RBM47: variants seen among roughly 807,000 people sequenced by gnomAD.
RBM47 encodes RNA-binding protein 47.
In RBM47, 21 loss-of-function variants were observed where a neutral mutation model predicts 47.1. The ratio of observed to expected loss-of-function variants is 0.45; its 90% CI spans 0.32 to 0.64. RBM47 has a LOEUF of 0.64. Among genes scored for constraint, RBM47 ranks in the 30% least tolerant of loss-of-function variants. The probability of loss-of-function intolerance (pLI) is 0.05; values close to 1 mark genes in which losing one functional copy is unlikely to be tolerated. For missense variants in RBM47, 708 were observed against 870.9 expected, an observed-to-expected ratio of 0.81 and a Z score of 2.35; for synonymous variants, 375 against 361.7, an observed-to-expected ratio of 1.04 and a Z score of -0.42.
intron 2 of RBM47, among the ~76,000 whole-genome samples, chr4:40,523,508 G>T (rs1454405655): frequency 1.3e-5 from 2 of 152,034 alleles, no homozygotes; most frequent in East Asian, 3.9e-4. Context: ...AAAATTAGCT[G>T]GGCATGGTGG....
intron 3 of RBM47, among the ~76,000 whole-genome samples, chr4:40,451,342 T>C (rs528342204): frequency 7.5e-4 from 114 of 152,278 alleles, no homozygotes; most frequent in Non-Finnish European, 1.3e-3. Context: ...ACAGCTACCA[T>C]AAAGGCTTGT....
rs921286315 is a variant in RBM47 at position 40,441,127 on chromosome 4, A to T, written c.-31-2203T>A. Among the ~76,000 whole-genome samples, 11 of 150,974 alleles carry T rather than the reference A, an allele frequency of 7.3e-5. No homozygotes were observed. In the South Asian group the frequency reaches 2.1e-3, roughly 29 times the overall value. ...AAAAACATTTTTTTTTCTTTTTTTA[A>T]AAATAGAGATGGAGGGCCAGGCAGA... On this transcript the variant is annotated intron_variant, in intron 3 of 6. Transcript: ENST00000295971.
chr4:40,455,395 C>T (rs1716079774), intron 3 of RBM47: 1 of 152,216 alleles, frequency 6.6e-6, no homozygotes, highest in Non-Finnish European at 1.5e-5. Flanking sequence ...AAGTCACTTT[C>T]TCTCCTTGAG....
At chr4:40,603,750 C>T (rs1274881427) in intron 1 of RBM47, among the ~76,000 whole-genome samples, 3 of 152,138 alleles carry the variant, frequency 2.0e-5, no homozygotes, top group Admixed American at 6.5e-5. Flanking sequence ...GACAGGAGCA[C>T]ACCACCACAC....
intron 1 of RBM47, among the ~76,000 whole-genome samples, chr4:40,618,453 C>T (rs913862605): frequency 4.0e-5 from 6 of 151,744 alleles, no homozygotes; most frequent in African/African-American, 7.3e-5. Context: ...AATACTTTTC[C>T]GAAAAATGAA....
chr4:40,497,001 A>G (rs1283215863), intron 2 of RBM47, among the ~76,000 whole-genome samples: 1 of 147,308 alleles, frequency 6.8e-6, no homozygotes, highest in Non-Finnish European at 1.5e-5. Flanking sequence ...AGATCACGCC[A>G]CTGCACTCTA....
chr4:40,585,810 T>G (rs1389968785), intron 1 of RBM47, among the ~76,000 whole-genome samples: 1 of 152,250 alleles, frequency 6.6e-6, no homozygotes, highest in African/African-American at 2.4e-5. Context: ...TCACTGCTGA[T>G]GCCCAGCAGC....
chr4:40,519,147 G>A (rs1017279968), intron 2 of RBM47, among the ~76,000 whole-genome samples: 1 of 152,022 alleles, frequency 6.6e-6, no homozygotes, highest in Non-Finnish European at 1.5e-5. Context: ...TGTAGTTGAG[G>A]CTACAGTGAG....
At chr4:40,611,675 C>A (rs1736274561) in intron 1 of RBM47, among the ~76,000 whole-genome samples, 1 of 152,072 alleles carries the variant, frequency 6.6e-6, no homozygotes, top group South Asian at 2.1e-4. Flanking sequence ...TTGCGGTGAG[C>A]CGAGATCGCA....
intron 3 of RBM47, among the ~76,000 whole-genome samples, chr4:40,456,287 T>A (rs1283659263): frequency 2.0e-5 from 3 of 152,202 alleles, no homozygotes; most frequent in Non-Finnish European, 4.4e-5. Context: ...AACCCGGGCA[T>A]AATATTCTTA....
intron 2 of RBM47, among the ~76,000 whole-genome samples, chr4:40,508,604 T>C (rs1724446120): frequency 6.6e-6 from 1 of 152,082 alleles, no homozygotes; most frequent in Non-Finnish European, 1.5e-5. Flanking sequence ...TACAAAAGAG[T>C]ACATACTGTC....
Position 40,497,161 on chromosome 4 carries a change from C to T in RBM47, c.-154-30462G>A, listed in dbSNP as rs76101250. 1.6e-3 allele frequency among the ~76,000 whole-genome samples: 245 copies of T among 152,240 alleles called. 2 individuals are homozygous for T. In the East Asian group the frequency reaches 0.042, roughly 26 times the overall value. ...CAGCAAGATCTGAATCCCAGCTGGCCTTAACTCCCAAGTTCGACCCCTCTC... is the reference window on the plus strand; with the variant it reads ...CAGCAAGATCTGAATCCCAGCTGGCTTTAACTCCCAAGTTCGACCCCTCTC... On this transcript the variant is annotated intron_variant, in intron 2 of 6. Coordinates refer to ENST00000295971, the MANE Select transcript of RBM47 (RefSeq NM_001098634.2).
At chr4:40,518,740 C>T (rs1223178365) in intron 2 of RBM47, among the ~76,000 whole-genome samples, 3 of 151,928 alleles carry the variant, frequency 2.0e-5, no homozygotes, top group Admixed American at 1.3e-4. Context: ...CTGGGTCACA[C>T]TGGAAGAAGA....
intron 2 of RBM47, among the ~76,000 whole-genome samples, chr4:40,494,798 T>G (rs900001738): frequency 2.0e-5 from 3 of 152,094 alleles, no homozygotes; most frequent in African/African-American, 4.8e-5. Context: ...TGCTATAGGT[T>G]TTCCTCAGGA....
At chr4:40,518,164 T>A (rs1301435725) in intron 2 of RBM47, among the ~76,000 whole-genome samples, 2 of 52,038 alleles carry the variant, frequency 3.8e-5, no homozygotes, top group East Asian at 5.4e-4. Flanking sequence ...TTTTCTTTTT[T>A]TTTTTTTTTT....
intron 1 of RBM47, among the ~76,000 whole-genome samples, chr4:40,599,601 T>A (rs1735056737): frequency 6.6e-6 from 1 of 152,044 alleles, no homozygotes; most frequent in Non-Finnish European, 1.5e-5. Flanking sequence ...TGGGACACTT[T>A]GAAATGTAAG....
chr4:40,528,949 A>AT (rs57303226), intron 2 of RBM47, among the ~76,000 whole-genome samples: 2,112 of 88,604 alleles, frequency 0.024, 16 homozygotes, highest in African/African-American at 0.046. Flanking sequence ...TCTCAAAAAA[A>AT]AAATAAATAA....
At chr4:40,563,149 C>T (rs1235319131) in intron 1 of RBM47, among the ~76,000 whole-genome samples, 1 of 152,146 alleles carries the variant, frequency 6.6e-6, no homozygotes, top group Non-Finnish European at 1.5e-5. Context: ...CGAGATGGCG[C>T]CACTGCACTC....
chr4:40,573,807 AAAAGAAAGAAAGAAAG>A (rs1553903538), intron 1 of RBM47, among the ~76,000 whole-genome samples: 2 of 136,760 alleles, frequency 1.5e-5, no homozygotes, highest in East Asian at 4.3e-4. Flanking sequence ...GAAAGAAAGA[AAAAGAAAGAAAGAAAG>A]AAAGAAAGAA....
Sources: gnomAD v4.1 joint callset for allele counts (sites outside exome capture counted in the v4.1 genomes callset) on GRCh38, gnomAD v4.1.1 for gene constraint, MANE v1.5 for transcripts, NCBI Gene and HGNC (gene_info 2026-07-23, HGNC 2026-07-21) for gene names.